The following RPL26L1 variants were observed in gnomAD, a reference collection of about 807,000 sequenced individuals.
The protein encoded by RPL26L1 is ribosomal protein L26 like 1.
A neutral mutation model predicts 15.2 loss-of-function variants in RPL26L1; 8 were observed. The observed-to-expected ratio is 0.53, with a 90% confidence interval of 0.31 to 0.95. The LOEUF (loss-of-function observed/expected upper bound fraction) is 0.95, where lower values mean the gene tolerates loss of function less well. RPL26L1 is among the 40% of genes least tolerant of loss of function. The pLI is 0.05. For missense variants in RPL26L1, 146 were observed against 190.9 expected, an observed-to-expected ratio of 0.76 and a Z score of 1.39; for synonymous variants, 51 against 65.9, an observed-to-expected ratio of 0.77 and a Z score of 1.09.
intron 2 of RPL26L1, among the ~76,000 whole-genome samples, chr5:172,965,265 G>A (rs190294495): frequency 6.6e-6 from 1 of 152,096 alleles, no homozygotes; most frequent in Admixed American, 6.6e-5. Flanking sequence ...TTCTTCTCTT[G>A]GAGCTTTTTT....
upstream of RPL26L1, chr5:172,958,264 CAA>C (rs5873347): frequency 0.013 from 3,775 of 283,290 alleles, no homozygotes; most frequent in Middle Eastern, 0.031. Flanking sequence ...AACTCTATCT[CAA>C]AAAAAAAAAA....
At chr5:172,960,720 G>A (rs1307032311) in intron 2 of RPL26L1, among the ~76,000 whole-genome samples, 2 of 151,108 alleles carry the variant, frequency 1.3e-5, no homozygotes, top group Admixed American at 6.6e-5. Context: ...ATGAGAGGAG[G>A]GAAGGGAGTT....
intron 1 of RPL26L1, 120 bp from the exon 2 acceptor site, chr5:172,959,745 T>C: frequency 7.9e-7 from 1 of 1,262,280 alleles, no homozygotes; most frequent in Non-Finnish European, 1.1e-6. Context: ...TCAGTTGCCT[T>C]TTCAGAGGCT....
rs1374420306 is a variant in RPL26L1 at position 172,960,728 on chromosome 5, G to A, written c.168+687G>A. Among the ~76,000 whole-genome samples the A allele has an allele frequency of 2.0e-5, 3 of 149,594 alleles. No homozygotes were observed. In the East Asian group the frequency reaches 5.8e-4, roughly 29 times the overall value. On this transcript the variant is annotated intron_variant, in intron 2 of 3. Coordinates refer to ENST00000265100, the MANE Select transcript of RPL26L1 (RefSeq NM_016093.4). ...AGAATGCATGAGAGGAGGGAAGGGA[G>A]TTGGATATGAGTGAAATAAGCAGGG...
At chr5:172,954,819 C>G (rs1461835848), upstream of RPL26L1, 3 of 400,952 alleles carry the variant, frequency 7.5e-6, no homozygotes, top group Admixed American at 3.1e-5. Context: ...TTTCTCCTTT[C>G]AATGAACTTT....
intron 2 of RPL26L1, among the ~76,000 whole-genome samples, chr5:172,960,288 G>T (rs1387437663): frequency 1.3e-5 from 2 of 152,050 alleles, no homozygotes; most frequent in Non-Finnish European, 2.9e-5. Flanking sequence ...CTGCTTTTTT[G>T]TTTGTTTTGT....
rs757293184 is a variant in RPL26L1 at position 172,959,952 on chromosome 5, A to T, written c.79A>T (p.Arg27Trp). 4.3e-6 allele frequency: 7 copies of T among 1,614,122 alleles called. No homozygotes were observed. The African/African-American group carries it at 9.3e-5, about 22-fold the overall frequency. Residue 27 changes from arginine (R) to tryptophan (W), a missense_variant, in exon 2 of 4, where the codon AGG (arginine) becomes TGG (tryptophan). Transcript: ENST00000265100. The part of the protein sequence containing the change: ...RHFNAPSHVR[R>W]KIMSSPLSKE... ...CTTCAATGCCCCCTCACACGTGCGC[A>T]GGAAGATCATGTCATCCCCGCTCTC...
intron 2 of RPL26L1, among the ~76,000 whole-genome samples, chr5:172,961,605 A>G (rs1218553379): frequency 1.3e-5 from 2 of 152,182 alleles, no homozygotes; most frequent in Non-Finnish European, 1.5e-5. Context: ...TCTTCAGTCT[A>G]TTCCCTGTCC....
intron 2 of RPL26L1, 109 bp downstream of exon 2, chr5:172,960,150 C>T (rs1755174035): frequency 7.6e-7 from 1 of 1,307,374 alleles, no homozygotes; most frequent in South Asian, 1.2e-5. Context: ...GTAGTGTGAC[C>T]CTTCAGATGT....
chr5:172,955,373 C>A (rs1754938815), upstream of RPL26L1: 1 of 187,620 alleles, frequency 5.3e-6, no homozygotes, highest in Non-Finnish European at 1.1e-5. Context: ...AGGTGATCCA[C>A]CTGCCTCAGC....
chr5:172,956,933 A>G (rs554616937), upstream of RPL26L1: 219 of 274,364 alleles, frequency 8.0e-4, no homozygotes, highest in African/African-American at 4.8e-3. Flanking sequence ...GCGAGACTCT[A>G]TCTCGAAAAA....
chr5:172,957,995 T>G, upstream of RPL26L1: 1 of 223,108 alleles, frequency 4.5e-6, no homozygotes, highest in South Asian at 5.5e-5. Context: ...CCAGGCGCAG[T>G]GGCTCACGCC....
chr5:172,958,661 C>A, upstream of RPL26L1: 1 of 274,404 alleles, frequency 3.6e-6, no homozygotes, highest in Non-Finnish European at 7.7e-6. Flanking sequence ...CACCCAGGGT[C>A]CGCGCAAAGT....
intron 2 of RPL26L1, among the ~76,000 whole-genome samples, chr5:172,962,598 A>G (rs534930747): frequency 2.0e-5 from 3 of 151,996 alleles, no homozygotes; most frequent in South Asian, 4.2e-4. Context: ...CAGGCAGATC[A>G]TGAGGTCAGG....
At chr5:172,965,013 G>A (rs142719209) in intron 2 of RPL26L1, among the ~76,000 whole-genome samples, 109 of 152,260 alleles carry the variant, frequency 7.2e-4, no homozygotes, top group African/African-American at 2.4e-3. Flanking sequence ...GCGAAATTCC[G>A]TCTGCACTAA....
upstream of RPL26L1, among the ~76,000 whole-genome samples, chr5:172,956,397 A>G (rs1489618942): frequency 6.6e-6 from 1 of 152,124 alleles, no homozygotes; most frequent in African/African-American, 2.4e-5. Context: ...ATCTAATGGT[A>G]GATTATGTCC....
At chr5:172,968,415 T>C in intron 2 of RPL26L1, 44 bp from the exon 3 acceptor site, 1 of 1,604,588 alleles carries the variant, frequency 6.2e-7, no homozygotes, top group South Asian at 1.1e-5. Flanking sequence ...TTTATGATCA[T>C]GCACTACAAA....
chr5:172,959,048 C>A (rs1755106284), upstream of RPL26L1: 1 of 152,468 alleles, frequency 6.6e-6, no homozygotes, highest in South Asian at 2.0e-4. Context: ...GGGTGAAACC[C>A]CGTCTCTACT....
intron 2 of RPL26L1, among the ~76,000 whole-genome samples, chr5:172,962,401 G>A (rs1410813132): frequency 6.6e-6 from 1 of 152,102 alleles, no homozygotes; most frequent in African/African-American, 2.4e-5. Context: ...CCAGCTACTC[G>A]GGAGGCTGAA....
Sources: allele counts gnomAD v4.1 joint callset (sites outside exome capture counted in the v4.1 genomes callset), GRCh38; gene constraint gnomAD v4.1.1; transcripts MANE v1.5; gene names NCBI Gene and HGNC (gene_info 2026-07-23, HGNC 2026-07-21).